MICU1: variants seen among roughly 807,000 people sequenced by gnomAD.
The protein encoded by MICU1 is calcium uptake protein 1, mitochondrial.
Under a neutral mutation model 56.8 loss-of-function variants are expected in MICU1, and 45 were observed. The observed-to-expected ratio is 0.79, with a 90% CI of 0.62 to 1.02. The LOEUF (loss-of-function observed/expected upper bound fraction) is 1.02, where lower values mean the gene tolerates loss of function less well. MICU1 is among the 50% of genes least tolerant of loss of function. MICU1 has a pLI of 0.00. For synonymous variants in MICU1, 186 were observed against 195.1 expected, an observed-to-expected ratio of 0.95 and a Z score of 0.39; for missense variants, 504 against 587.1, an observed-to-expected ratio of 0.86 and a Z score of 1.46.
In MICU1 at chr10:72,483,339, T is replaced by TGGCTCCTGGTTGTCC. The variant is rs1211379758; in HGVS notation, c.653-6098_653-6084dup. The TGGCTCCTGGTTGTCC allele has an allele frequency of 5.9e-3, 964 of 162,624 alleles. 7 individuals are homozygous for TGGCTCCTGGTTGTCC. Among genetic ancestry groups the TGGCTCCTGGTTGTCC allele is most frequent in the African/African-American group, 0.022 (911 of 41,660 alleles). The allele number at this position is 162,624 out of a possible 1,614,324, so 10.1% of individuals were successfully genotyped here. A position where few individuals can be genotyped will look rare whatever the true frequency, so the allele number is the denominator to read the frequency against. ...ATGGCTGGAGGGCATCTTGCTTGGC[T>TGGCTCCTGGTTGTCC]GGCTCCTGGTTGTCCAGCTTCTGGT... On this transcript the variant is annotated intron_variant, in intron 6 of 11. Transcript: ENST00000361114.
chr10:72,600,952 T>C (rs1841516099), intron 1 of MICU1, among the ~76,000 whole-genome samples: 1 of 152,158 alleles, frequency 6.6e-6, no homozygotes, highest in Admixed American at 6.5e-5. Flanking sequence ...TAAATTATGT[T>C]TGGTGATAAC....
chr10:72,569,231 A>ATTTT (rs1156509426), intron 1 of MICU1, among the ~76,000 whole-genome samples: 128 of 39,516 alleles, frequency 3.2e-3, no homozygotes, highest in Middle Eastern at 0.014. Context: ...ATATATATAT[A>ATTTT]TATATATTTT....
chr10:72,576,561 T>C (rs908197974), intron 1 of MICU1, among the ~76,000 whole-genome samples: 3 of 152,198 alleles, frequency 2.0e-5, no homozygotes, highest in African/African-American at 7.2e-5. Flanking sequence ...AGTTTGAAGC[T>C]AGCACAGGTT....
At chr10:72,374,485 G>T (rs1286003291) in intron 11 of MICU1, among the ~76,000 whole-genome samples, 4 of 152,176 alleles carry the variant, frequency 2.6e-5, no homozygotes, top group Non-Finnish European at 4.4e-5. Flanking sequence ...TCAAGTTAAT[G>T]AACACCTATT....
At chr10:72,500,512 A>C (rs763310661) in intron 6 of MICU1, among the ~76,000 whole-genome samples, 4 of 150,966 alleles carry the variant, frequency 2.6e-5, no homozygotes, top group Non-Finnish European at 4.4e-5. Flanking sequence ...AGTAGAGACA[A>C]GGTTTCACCA....
chr10:72,438,513 T>G (rs185795154), intron 8 of MICU1, among the ~76,000 whole-genome samples: 67 of 151,730 alleles, frequency 4.4e-4, no homozygotes, highest in African/African-American at 1.5e-3. Context: ...GCAAACAAAT[T>G]CAAAAGCTAG....
chr10:72,476,671 A>G (rs766951488), intron 7 of MICU1, among the ~76,000 whole-genome samples: 28 of 152,214 alleles, frequency 1.8e-4, no homozygotes, highest in Non-Finnish European at 3.7e-4. Flanking sequence ...GGCAATCATA[A>G]TAACTGTATC....
intron 10 of MICU1, among the ~76,000 whole-genome samples, chr10:72,403,971 T>A (rs995675594): frequency 7.0e-6 from 1 of 142,134 alleles, no homozygotes; most frequent in African/African-American, 2.5e-5. Flanking sequence ...GTGTGTTTTA[T>A]TTTTTGGTTA....
chr10:72,572,031 A>G (rs1038037079), intron 1 of MICU1, among the ~76,000 whole-genome samples: 4 of 151,932 alleles, frequency 2.6e-5, no homozygotes, highest in African/African-American at 9.7e-5. Context: ...AAAAACAAAC[A>G]CTAAGTAGTA....
At chr10:72,586,479 C>T (rs938934685) in intron 1 of MICU1, among the ~76,000 whole-genome samples, 8 of 151,890 alleles carry the variant, frequency 5.3e-5, no homozygotes, top group African/African-American at 1.9e-4. Flanking sequence ...GGTGAAACCC[C>T]ATCTCTACTA....
At chr10:72,530,335 AAAT>A (rs372087915) in intron 5 of MICU1, among the ~76,000 whole-genome samples, 687 of 64,890 alleles carry the variant, frequency 0.011, 6 homozygotes, top group Middle Eastern at 0.029. Flanking sequence ...CTCCATATCA[AAAT>A]AATAATAATA....
intron 10 of MICU1, among the ~76,000 whole-genome samples, chr10:72,391,657 T>A (rs530151025): frequency 1.5e-4 from 23 of 151,452 alleles, no homozygotes; most frequent in Admixed American, 9.9e-4. Flanking sequence ...TACGTGCAGA[T>A]TTTTTTTTCA....
At chr10:72,536,940 G>C (rs925632981) in intron 4 of MICU1, among the ~76,000 whole-genome samples, 2 of 152,130 alleles carry the variant, frequency 1.3e-5, no homozygotes, top group African/African-American at 4.8e-5. Context: ...GCAATACCCA[G>C]AATAACTCAA....
At chr10:72,519,167 T>C (rs1324771972) in intron 5 of MICU1, among the ~76,000 whole-genome samples, 1 of 152,240 alleles carries the variant, frequency 6.6e-6, no homozygotes, top group African/African-American at 2.4e-5. Context: ...TACTGACCAA[T>C]GTTACCTCTT....
chr10:72,398,200 T>C (rs1028708897), intron 10 of MICU1, among the ~76,000 whole-genome samples: 6 of 152,014 alleles, frequency 3.9e-5, no homozygotes, highest in African/African-American at 1.2e-4. Context: ...ACTGGGTAAA[T>C]AACAAAATGA....
chr10:72,615,982 C>CAAAAAAA (rs1369889170), intron 1 of MICU1, among the ~76,000 whole-genome samples: 1 of 151,926 alleles, frequency 6.6e-6, no homozygotes, highest in Non-Finnish European at 1.5e-5. Flanking sequence ...GAGCGAGACT[C>CAAAAAAA]CGTCTCAAAA....
At chr10:72,453,576 C>G (rs1865361720) in intron 8 of MICU1, among the ~76,000 whole-genome samples, 1 of 152,146 alleles carries the variant, frequency 6.6e-6, no homozygotes, top group Non-Finnish European at 1.5e-5. Context: ...GTTGCCCAGG[C>G]TGGAGTGCAG....
intron 8 of MICU1, among the ~76,000 whole-genome samples, chr10:72,449,275 G>A (rs910651966): frequency 2.0e-5 from 3 of 152,108 alleles, no homozygotes; most frequent in African/African-American, 7.2e-5. Context: ...GCAGGTGCCT[G>A]TAATCCCAGC....
At chr10:72,478,912 G>A (rs561580925) in intron 6 of MICU1, among the ~76,000 whole-genome samples, 8 of 152,300 alleles carry the variant, frequency 5.3e-5, no homozygotes, top group African/African-American at 1.9e-4. Context: ...TGGGATTACA[G>A]GTGTGAGCCA....
Sources: gnomAD v4.1 joint callset for allele counts (sites outside exome capture counted in the v4.1 genomes callset) on GRCh38, gnomAD v4.1.1 for gene constraint, MANE v1.5 for transcripts, NCBI Gene and HGNC (gene_info 2026-07-23, HGNC 2026-07-21) for gene names.